Variants in DIP2C observed in about 807,000 individuals in gnomAD.
DIP2C encodes the protein disco-interacting protein 2 homolog C.
A neutral mutation model predicts 192.4 loss-of-function variants in DIP2C; 33 were observed. That is an observed-to-expected ratio of 0.17 (90% CI 0.13 to 0.23). The LOEUF (loss-of-function observed/expected upper bound fraction) is 0.23, where lower values mean the gene tolerates loss of function less well. DIP2C is among the 10% of genes least tolerant of loss of function. The probability of loss-of-function intolerance (pLI) is 1.00; values close to 1 mark genes in which losing one functional copy is unlikely to be tolerated. For missense variants in DIP2C, 1,537 were observed against 2,110.1 expected (o/e 0.73, Z 5.32); for synonymous variants, 979 against 864.1 (o/e 1.13, Z -2.33).
intron 1 of DIP2C, among the ~76,000 whole-genome samples, chr10:558,311 G>A (rs779987824): frequency 1.2e-4 from 18 of 152,130 alleles, no homozygotes; most frequent in Non-Finnish European, 8.8e-5. Flanking sequence ...CCCACCTCCC[G>A]CTTCCTGACC....
intron 2 of DIP2C, among the ~76,000 whole-genome samples, chr10:486,140 G>T (rs1843996515): frequency 7.2e-6 from 1 of 139,726 alleles, no homozygotes; most frequent in South Asian, 2.3e-4. Flanking sequence ...GTAATAAATA[G>T]CTCTCTAAAC....
chr10:475,091 C>T (rs1298218202), intron 2 of DIP2C, among the ~76,000 whole-genome samples: 2 of 152,190 alleles, frequency 1.3e-5, no homozygotes, highest in East Asian at 1.9e-4. Flanking sequence ...CACCCTCTAA[C>T]CTGGAGCCTC....
chr10:301,577 AAAT>A (rs1210883420), intron 32 of DIP2C, among the ~76,000 whole-genome samples: 1 of 152,256 alleles, frequency 6.6e-6, no homozygotes, highest in Non-Finnish European at 1.5e-5. Flanking sequence ...TAAAGACTAA[AAAT>A]ATTAATGAGT....
intron 1 of DIP2C, among the ~76,000 whole-genome samples, chr10:543,908 CCTG>C (rs550216464): frequency 1.6e-3 from 246 of 152,394 alleles, no homozygotes; most frequent in Non-Finnish European, 2.1e-3. Context: ...AGAGTCAGCA[CCTG>C]CTGCTTCCTT....
At chr10:654,096 G>A (rs1237440009) in intron 1 of DIP2C, among the ~76,000 whole-genome samples, 2 of 152,232 alleles carry the variant, frequency 1.3e-5, no homozygotes, top group Non-Finnish European at 2.9e-5. Context: ...TGCACGCACA[G>A]GCAGTGAGGG....
chr10:498,472 G>A (rs1845009594), intron 1 of DIP2C, among the ~76,000 whole-genome samples: 1 of 152,062 alleles, frequency 6.6e-6, no homozygotes, highest in Admixed American at 6.6e-5. Context: ...CTCCCCTCAG[G>A]GGTCCTGCTG....
Position 603,613 on chromosome 10 carries a change from GC to G in DIP2C, c.85+85880del, listed in dbSNP as rs1376566680. Among the ~76,000 whole-genome samples the G allele has an allele frequency of 1.2e-4, 19 of 152,270 alleles. No individual in the cohort carries two copies. The East Asian group carries it at 2.9e-3, about 23-fold the overall frequency. On this transcript the variant is annotated intron_variant, in intron 1 of 36. Transcript: ENST00000280886. Reference sequence around the variant, plus strand: ...CTGTTTCTGTCCAACTATCTGTTCTGCCATCGTTTGTGTCTATTTCCCACAA... The same window carrying G: ...CTGTTTCTGTCCAACTATCTGTTCTGCATCGTTTGTGTCTATTTCCCACAA...
At chr10:380,703 G>A (rs527516138) in intron 17 of DIP2C, among the ~76,000 whole-genome samples, 5 of 152,194 alleles carry the variant, frequency 3.3e-5, no homozygotes, top group Admixed American at 1.3e-4. Context: ...TGGACGTGAC[G>A]ACCTTTAAGA....
Position 277,610 on chromosome 10 carries a change from G to A in DIP2C, c.4419-33C>T, listed in dbSNP as rs569935593. 242 of 1,609,782 alleles carry A rather than the reference G, an allele frequency of 1.5e-4. 2 individuals are homozygous for A. In the South Asian group the frequency reaches 2.5e-3, roughly 17 times the overall value. On this transcript the variant is annotated intron_variant, in intron 36 of 36. Coordinates refer to ENST00000280886, the MANE Select transcript of DIP2C (RefSeq NM_014974.3). ...ACAGAAAAGAAAGCCATCATTATAT[G>A]TTTATTAATGCTTTATTTAATAGCC...
intron 10 of DIP2C, among the ~76,000 whole-genome samples, chr10:392,000 T>G (rs4488125): frequency 6.6e-6 from 1 of 151,998 alleles, no homozygotes; most frequent in East Asian, 1.9e-4. Flanking sequence ...AACAGCCAAA[T>G]GAGCCAACCA....
At chr10:413,756 G>C (rs768519179) in intron 8 of DIP2C, among the ~76,000 whole-genome samples, 157 bp downstream of exon 8, 2 of 152,106 alleles carry the variant, frequency 1.3e-5, no homozygotes, top group Non-Finnish European at 2.9e-5. Context: ...TGAGCTTCGT[G>C]CGTTCGGGAG....
At chr10:425,629 G>T (rs1300302408) in intron 4 of DIP2C, among the ~76,000 whole-genome samples, 1 of 151,556 alleles carries the variant, frequency 6.6e-6, no homozygotes, top group Non-Finnish European at 1.5e-5. Flanking sequence ...ATATGACATG[G>T]ATGATACAGC....
At chr10:547,516 C>T (rs1848346694) in intron 1 of DIP2C, among the ~76,000 whole-genome samples, 1 of 152,158 alleles carries the variant, frequency 6.6e-6, no homozygotes, top group African/African-American at 2.4e-5. Flanking sequence ...AGCAGGCAGA[C>T]AGTGAGGTAC....
chr10:649,331 T>C (rs950249178), intron 1 of DIP2C, among the ~76,000 whole-genome samples: 1 of 133,274 alleles, frequency 7.5e-6, no homozygotes, highest in Non-Finnish European at 1.6e-5. Flanking sequence ...CCACATTGGA[T>C]GGTGGGAGAG....
chr10:605,421 A>G (rs1361410741), intron 1 of DIP2C, among the ~76,000 whole-genome samples: 1 of 152,324 alleles, frequency 6.6e-6, no homozygotes, highest in East Asian at 1.9e-4. Context: ...CAAGCTAATA[A>G]AATTCCTTAC....
chr10:477,159 G>T (rs1843092991), intron 2 of DIP2C, among the ~76,000 whole-genome samples: 1 of 147,640 alleles, frequency 6.8e-6, no homozygotes, highest in African/African-American at 2.5e-5. Flanking sequence ...GAAGGAAAAG[G>T]TCAAAGAAAC....
At chr10:342,298 A>C (rs1410623804) in intron 28 of DIP2C, among the ~76,000 whole-genome samples, 1 of 152,116 alleles carries the variant, frequency 6.6e-6, no homozygotes, top group Non-Finnish European at 1.5e-5. Context: ...AGCTGGGGTT[A>C]CAGGCGCCCG....
intron 1 of DIP2C, among the ~76,000 whole-genome samples, chr10:525,988 C>T (rs547442331): frequency 1.4e-4 from 22 of 152,330 alleles, no homozygotes; most frequent in African/African-American, 4.6e-4. Flanking sequence ...GGCAGTGGAA[C>T]CCCCGCACAC....
At chr10:600,772 C>T (rs943087635) in intron 1 of DIP2C, among the ~76,000 whole-genome samples, 2 of 152,232 alleles carry the variant, frequency 1.3e-5, no homozygotes, top group African/African-American at 4.8e-5. Context: ...GGAGGAGTAT[C>T]GTTGTGGACA....
Sources: gnomAD v4.1 joint callset for allele counts (sites outside exome capture counted in the v4.1 genomes callset) on GRCh38, gnomAD v4.1.1 for gene constraint, MANE v1.5 for transcripts, NCBI Gene and HGNC (gene_info 2026-07-23, HGNC 2026-07-21) for gene names.